SCUBE2: variants seen among roughly 807,000 people sequenced by gnomAD.
SCUBE2 encodes signal peptide, CUB and EGF-like domain-containing protein 2.
SCUBE2 carries 114 observed loss-of-function variants against 125.9 expected under a neutral mutation model. That is an observed-to-expected ratio of 0.91 (90% CI 0.78 to 1.06). SCUBE2 has a LOEUF of 1.06. SCUBE2 is among the 50% of genes least tolerant of loss of function. SCUBE2 has a pLI of 0.00. For missense variants in SCUBE2, 1,255 were observed against 1,301.8 expected, an observed-to-expected ratio of 0.96 and a Z score of 0.55; for synonymous variants, 459 against 492.9, an observed-to-expected ratio of 0.93 and a Z score of 0.91.
intron 21 of SCUBE2, among the ~76,000 whole-genome samples, chr11:9,022,979 G>A (rs928753138): frequency 6.6e-6 from 1 of 151,920 alleles, no homozygotes; most frequent in Non-Finnish European, 1.5e-5. Flanking sequence ...AATTTGGCTG[G>A]TCGGGGAGGA....
At chr11:9,040,215 G>C (rs542073856) in intron 16 of SCUBE2, among the ~76,000 whole-genome samples, 2 of 152,168 alleles carry the variant, frequency 1.3e-5, no homozygotes, top group Non-Finnish European at 2.9e-5. Flanking sequence ...TTTCCTATGC[G>C]TGCTTATTCA....
At chr11:9,054,725 A>ATATATATATATATTTT (rs1368153935) in intron 10 of SCUBE2, among the ~76,000 whole-genome samples, 1 of 22,348 alleles carries the variant, frequency 4.5e-5, no homozygotes, top group Non-Finnish European at 7.1e-5. Context: ...ATATATATAT[A>ATATATATATATATTTT]TTTTTTTTTT....
Position 9,089,699 on chromosome 11 carries a change from G to A in SCUBE2, c.256+8C>T. On this transcript the variant is annotated splice_region_variant and intron_variant, in intron 2 of 22. Transcript: ENST00000649792. ...ACAGTCCCCCCACATGGTCCCCAAG[G>A]CACTTACCCTCACACTGCCTGCCTT... 6.2e-7 allele frequency: 1 copy of A among 1,613,062 alleles called. No homozygotes were observed. Among genetic ancestry groups the A allele is most frequent in the Non-Finnish European group, 8.5e-7 (1 of 1,179,434 alleles).
At chr11:9,058,426 T>A (rs1859317917) in intron 9 of SCUBE2, among the ~76,000 whole-genome samples, 1 of 151,590 alleles carries the variant, frequency 6.6e-6, no homozygotes, top group African/African-American at 2.4e-5. Context: ...GGAAACCCCG[T>A]CTCTACTAAA....
intron 5 of SCUBE2, among the ~76,000 whole-genome samples, chr11:9,067,040 G>A (rs1860314682): frequency 6.6e-6 from 1 of 152,172 alleles, no homozygotes; most frequent in Non-Finnish European, 1.5e-5. Context: ...TTTAAACAAA[G>A]TCATACAGGA....
At chr11:9,024,705 C>G (rs1358598003) in intron 21 of SCUBE2, among the ~76,000 whole-genome samples, 1 of 152,138 alleles carries the variant, frequency 6.6e-6, no homozygotes. Context: ...TTATGTCCTT[C>G]CCTCTTTCTG....
intron 16 of SCUBE2, among the ~76,000 whole-genome samples, chr11:9,042,372 A>G (rs1831520727): frequency 6.6e-6 from 1 of 151,966 alleles, no homozygotes; most frequent in South Asian, 2.1e-4. Flanking sequence ...GTAACCTTCC[A>G]AGATTCCCCT....
At chr11:9,029,408 C>T (rs1856081079) in intron 19 of SCUBE2, among the ~76,000 whole-genome samples, 1 of 152,212 alleles carries the variant, frequency 6.6e-6, no homozygotes, top group Admixed American at 6.5e-5. Flanking sequence ...CTTTCCCCAC[C>T]CTCTCCATCA....
At chr11:9,072,020 A>T (rs1338903579) in intron 4 of SCUBE2, among the ~76,000 whole-genome samples, 2 of 152,220 alleles carry the variant, frequency 1.3e-5, no homozygotes, top group African/African-American at 2.4e-5. Flanking sequence ...AGGATAAAAA[A>T]AAATAAAATA....
At chr11:9,057,392 T>A (rs1859186717) in intron 9 of SCUBE2, 1 of 152,148 alleles carries the variant, frequency 6.6e-6, no homozygotes, top group Non-Finnish European at 1.5e-5. Context: ...TGACAAATTA[T>A]GCATTAAGAA....
intron 16 of SCUBE2, among the ~76,000 whole-genome samples, chr11:9,041,651 G>A (rs2135309831): frequency 6.6e-6 from 1 of 152,314 alleles, no homozygotes; most frequent in Middle Eastern, 3.4e-3. Context: ...ATGTTTCTGT[G>A]GAGAGGTTAG....
At chr11:9,046,025 G>A (rs1282111368) in intron 16 of SCUBE2, among the ~76,000 whole-genome samples, 1 of 39,904 alleles carries the variant, frequency 2.5e-5, no homozygotes, top group African/African-American at 1.1e-4. Flanking sequence ...TTTTTTTTTT[G>A]AGACGGAGTC....
intron 14 of SCUBE2, among the ~76,000 whole-genome samples, chr11:9,049,701 T>C (rs1031645793): frequency 2.6e-5 from 4 of 152,230 alleles, no homozygotes; most frequent in African/African-American, 9.6e-5. Context: ...GTGAGTTTTC[T>C]TTTTGTTTCT....
At chr11:9,071,041 G>T (rs147057305) in intron 4 of SCUBE2, among the ~76,000 whole-genome samples, 62 of 152,346 alleles carry the variant, frequency 4.1e-4, no homozygotes, top group Admixed American at 1.1e-3. Context: ...TTGCACCCCA[G>T]TACTGAGATG....
Position 9,091,473 on chromosome 11 carries a change from A to G in SCUBE2, c.56T>C (p.Leu19Pro), listed in dbSNP as rs1360984677. The G allele has an allele frequency of 1.6e-6, 2 of 1,276,186 alleles. No homozygotes were observed. The highest frequency in any genetic ancestry group is 1.0e-6 in the Non-Finnish European group (1 of 989,780). The allele number at this position is 1,276,186 out of a possible 1,614,324, so 79.1% of individuals were successfully genotyped here. ...PGAAWAVLLL[L>P]LLLPPLLLLA... Reference sequence around the variant, plus strand: ...CAGCAGCAGTGGCGGCAGCAGCAGCAGCAGCAGCAGCACCGCCCAGGCCGC... The same window carrying G: ...CAGCAGCAGTGGCGGCAGCAGCAGCGGCAGCAGCAGCACCGCCCAGGCCGC... Residue 19 changes from leucine (L) to proline (P), a missense_variant, in exon 1 of 23, where the codon CTG becomes CCG. This residue lies in a region of SCUBE2 where 362 missense variants were observed against 323.0 expected (regional missense o/e 1.12). Transcript: ENST00000649792. The surrounding 1 kb of genome is among the most constrained non-coding windows in gnomAD (Gnocchi z 8.5).
chr11:9,047,320 G>C (rs767164882), intron 16 of SCUBE2, 36 bp downstream of exon 16: 22 of 1,608,622 alleles, frequency 1.4e-5, no homozygotes, highest in Non-Finnish European at 1.9e-5. Context: ...GGAGCCCAAG[G>C]CTGTTCTGTT....
chr11:9,086,145 T>G (rs1440137175), intron 2 of SCUBE2, among the ~76,000 whole-genome samples: 1 of 152,190 alleles, frequency 6.6e-6, no homozygotes, highest in Non-Finnish European at 1.5e-5. Context: ...AACTGAGAAG[T>G]AAGAACCATA....
At chr11:9,065,642 G>A (rs1231251937) in intron 7 of SCUBE2, among the ~76,000 whole-genome samples, 1 of 152,206 alleles carries the variant, frequency 6.6e-6, no homozygotes, top group African/African-American at 2.4e-5. Flanking sequence ...AAGTCTTACA[G>A]CTAGGTGGGG....
Position 9,079,199 on chromosome 11 carries a change from T to A in SCUBE2, c.382+185A>T, listed in dbSNP as rs144818727. ...TCTCCTTGGACTAACAGAAGATTTA[T>A]GTTATGAATGATCACATAAAACTGA... On this transcript the variant is annotated intron_variant, in intron 3 of 22. Coordinates refer to ENST00000649792, the MANE Select transcript of SCUBE2 (RefSeq NM_001367977.2). 2.1e-3 allele frequency among the ~76,000 whole-genome samples: 317 copies of A among 152,346 alleles called. 1 individual carries two copies. Among genetic ancestry groups the A allele is most frequent in the Admixed American group, 7.4e-3 (113 of 15,298 alleles).
Sources: gnomAD v4.1 joint callset for allele counts (sites outside exome capture counted in the v4.1 genomes callset) on GRCh38, gnomAD v4.1.1 for gene constraint, gnomAD v4.1.1 regional missense constraint, Gnocchi (gnomAD v3.1) non-coding constraint, MANE v1.5 for transcripts, NCBI Gene and HGNC (gene_info 2026-07-23, HGNC 2026-07-21) for gene names.